The following ENOX1 variants were observed in gnomAD, a reference collection of about 807,000 sequenced individuals.
ENOX1 encodes candidate growth-related and time keeping constitutive hydroquinone (NADH) oxidase.
ENOX1 carries 42 observed loss-of-function variants against 82.5 expected under a neutral mutation model. The observed-to-expected ratio is 0.51, with a 90% CI of 0.40 to 0.66. The LOEUF (loss-of-function observed/expected upper bound fraction) is 0.66, where lower values mean the gene tolerates loss of function less well. Ranked by LOEUF, ENOX1 falls within the 30% of genes least tolerant of loss-of-function variation. ENOX1 has a pLI of 0.00. For synonymous variants in ENOX1, 271 were observed against 282.2 expected (o/e 0.96, Z 0.40); for missense variants, 608 against 811.6 (o/e 0.75, Z 3.05).
At chr13:43,470,400 G>GTATATATATGTGTA (rs2058015734) in intron 3 of ENOX1, among the ~76,000 whole-genome samples, 3 of 39,388 alleles carry the variant, frequency 7.6e-5, no homozygotes, top group Non-Finnish European at 1.1e-4. Flanking sequence ...ATATATATGT[G>GTATATATATGTGTA]TATATATATA....
At chr13:43,231,177 G>C (rs1316876570) in intron 15 of ENOX1, among the ~76,000 whole-genome samples, 1 of 152,208 alleles carries the variant, frequency 6.6e-6, no homozygotes, top group Non-Finnish European at 1.5e-5. Flanking sequence ...GGAATTACCA[G>C]AGGCCTGACC....
At chr13:43,597,646 G>C (rs909885624) in intron 2 of ENOX1, among the ~76,000 whole-genome samples, 7 of 152,244 alleles carry the variant, frequency 4.6e-5, no homozygotes, top group African/African-American at 1.7e-4. Flanking sequence ...TCAAGAGACA[G>C]CCATCTGGGT....
At chr13:43,262,337 T>C (rs1287887361) in intron 14 of ENOX1, among the ~76,000 whole-genome samples, 1 of 152,170 alleles carries the variant, frequency 6.6e-6, no homozygotes, top group African/African-American at 2.4e-5. Context: ...AACACCCAGC[T>C]AAGTTGGCAC....
intron 3 of ENOX1, among the ~76,000 whole-genome samples, chr13:43,433,172 C>G (rs1309962665): frequency 1.3e-5 from 2 of 152,076 alleles, no homozygotes; most frequent in African/African-American, 4.8e-5. Flanking sequence ...CTGGTGAGGC[C>G]GTTTCATGCT....
chr13:43,637,196 C>T (rs1285260096), intron 2 of ENOX1, among the ~76,000 whole-genome samples: 1 of 152,118 alleles, frequency 6.6e-6, no homozygotes, highest in African/African-American at 2.4e-5. Context: ...GCCCAGAGCT[C>T]CCTACTTTTT....
chr13:43,223,650 G>A (rs1410371310), intron 16 of ENOX1, among the ~76,000 whole-genome samples: 2 of 152,044 alleles, frequency 1.3e-5, no homozygotes. Context: ...TATATTATTT[G>A]GGATGATTTT....
chr13:43,383,181 C>T (rs1463905611), intron 5 of ENOX1, among the ~76,000 whole-genome samples: 1 of 152,158 alleles, frequency 6.6e-6, no homozygotes, highest in African/African-American at 2.4e-5. Context: ...AATTCTCACT[C>T]TCAACACAAT....
At chr13:43,702,222 C>G (rs2086945958) in intron 1 of ENOX1, among the ~76,000 whole-genome samples, 2 of 152,170 alleles carry the variant, frequency 1.3e-5, no homozygotes, top group Admixed American at 1.3e-4. Context: ...TCATTTTGAT[C>G]ATCATACAAA....
chr13:43,591,283 C>T (rs1164668267), intron 2 of ENOX1, among the ~76,000 whole-genome samples: 2 of 152,124 alleles, frequency 1.3e-5, no homozygotes, highest in Non-Finnish European at 2.9e-5. Flanking sequence ...AATAGTCATA[C>T]AATGGAATAT....
intron 2 of ENOX1, among the ~76,000 whole-genome samples, chr13:43,638,140 A>G (rs2083481672): frequency 1.3e-5 from 2 of 152,192 alleles, no homozygotes; most frequent in South Asian, 4.1e-4. Flanking sequence ...GTATTTACCC[A>G]TCTTTCTGGA....
At chr13:43,369,674 G>A (rs2051087962) in intron 5 of ENOX1, among the ~76,000 whole-genome samples, 1 of 152,340 alleles carries the variant, frequency 6.6e-6, no homozygotes, top group South Asian at 2.1e-4. Flanking sequence ...TCCAAAATCT[G>A]TCTTCTTAGT....
intron 2 of ENOX1, among the ~76,000 whole-genome samples, chr13:43,527,837 A>G (rs2078048941): frequency 6.6e-6 from 1 of 152,138 alleles, no homozygotes; most frequent in Non-Finnish European, 1.5e-5. Context: ...TCTCATTAAG[A>G]CTATGTTTCT....
At position 43,269,552 on chromosome 13, in the gene ENOX1, A is replaced by C; in HGVS notation, c.1472T>G (p.Leu491Ter). 7 of 1,613,838 alleles carry C rather than the reference A, an allele frequency of 4.3e-6. No individual in the cohort carries two copies. The highest frequency in any genetic ancestry group is 5.9e-6 in the Non-Finnish European group (7 of 1,179,788). Reference protein sequence around the residue: ...QQQLLTIQEELNNKKSELEQA... With the variant: ...QQQLLTIQEE ...TTCCAATTCTGACTTTTTGTTGTTT[A>C]ACTCCTCCTGGATGGTTAGCAATTG... The change falls in exon 13 of 17, where the codon TTA becomes TGA. Residue 491 changes from leucine (L) to a stop codon, truncating the protein, a stop_gained. Transcript: ENST00000690772. LOFTEE classifies it high-confidence loss of function.
At chr13:43,398,803 CTT>C (rs537591506) in intron 5 of ENOX1, among the ~76,000 whole-genome samples, 19 of 140,298 alleles carry the variant, frequency 1.4e-4, no homozygotes, top group Admixed American at 3.6e-4. Flanking sequence ...ATTTCTTCTT[CTT>C]TTTTTTTTTT....
intron 1 of ENOX1, among the ~76,000 whole-genome samples, chr13:43,676,375 T>A (rs9533580): frequency 0.076 from 11,583 of 152,238 alleles, 609 homozygotes; most frequent in African/African-American, 0.15. Flanking sequence ...GCCTGGACAC[T>A]TTGTTTAGTC....
intron 2 of ENOX1, among the ~76,000 whole-genome samples, chr13:43,636,021 C>A (rs532949989): frequency 2.0e-5 from 3 of 152,168 alleles, no homozygotes; most frequent in African/African-American, 7.2e-5. Flanking sequence ...GAATTGCTGT[C>A]AGCACAGCTA....
At chr13:43,544,740 C>T (rs995029513) in intron 2 of ENOX1, 8 of 152,174 alleles carry the variant, frequency 5.3e-5, no homozygotes, top group Non-Finnish European at 1.5e-5. Context: ...AAAAGTCAAG[C>T]TTCATCCAGT....
chr13:43,229,913 G>T (rs968337773), intron 15 of ENOX1, among the ~76,000 whole-genome samples: 5 of 152,190 alleles, frequency 3.3e-5, no homozygotes, highest in Non-Finnish European at 5.9e-5. Flanking sequence ...GTTCTGTTTT[G>T]TCCTCATTAA....
chr13:43,460,933 T>G (rs9562491), intron 3 of ENOX1, among the ~76,000 whole-genome samples: 2 of 151,802 alleles, frequency 1.3e-5, no homozygotes, highest in African/African-American at 4.8e-5. Context: ...AGCTGCAATT[T>G]TGATCCTATT....
Sources: gnomAD v4.1 joint callset for allele counts (sites outside exome capture counted in the v4.1 genomes callset) on GRCh38, gnomAD v4.1.1 for gene constraint, MANE v1.5 for transcripts, NCBI Gene and HGNC (gene_info 2026-07-23, HGNC 2026-07-21) for gene names.